Variants in USP6NL observed in about 807,000 individuals in gnomAD.
USP6NL encodes USP6 N-terminal-like protein.
Under a neutral mutation model 61.9 loss-of-function variants are expected in USP6NL, and 26 were observed. The observed-to-expected ratio is 0.42, with a 90% CI of 0.31 to 0.58. USP6NL has a LOEUF of 0.58. Among genes scored for constraint, USP6NL ranks in the 20% least tolerant of loss-of-function variants. The pLI is 0.16. For missense variants in USP6NL, 1,114 were observed against 1,034.3 expected, an observed-to-expected ratio of 1.08 and a Z score of -1.06; for synonymous variants, 432 against 390.1, an observed-to-expected ratio of 1.11 and a Z score of -1.27.
rs886395114 is a variant in USP6NL, at chr10:11,468,294, A to T, written c.1079-4445T>A. Among the ~76,000 whole-genome samples the T allele has an allele frequency of 5.3e-5, 8 of 152,284 alleles. No individual in the cohort carries two copies. Among genetic ancestry groups the T allele is most frequent in the Admixed American group, 2.6e-4 (4 of 15,292 alleles). The stretch of plus-strand genomic sequence containing the variant: ...TTGGCTCCACATCCTTTCCCAGATG[A>T]CTGTCAATCACAGTTCACTCAGTCG... On this transcript the variant is annotated intron_variant, in intron 14 of 14. Transcript: ENST00000609104. The surrounding 1 kb of genome is among the most constrained non-coding windows in gnomAD (Gnocchi z 4.5).
intron 5 of USP6NL, among the ~76,000 whole-genome samples, chr10:11,514,561 A>C (rs76918611): frequency 0.022 from 3,344 of 152,176 alleles, 65 homozygotes; most frequent in Non-Finnish European, 0.035. Flanking sequence ...TCTGAGTGGC[A>C]ATGTCTCCCC....
chr10:11,527,426 A>G, intron 3 of USP6NL, 74 bp downstream of exon 3: 1 of 1,421,780 alleles, frequency 7.0e-7, no homozygotes, highest in South Asian at 1.2e-5. Context: ...TAAGCCCTCC[A>G]AAAAGCAAAT....
At chr10:11,565,488 A>C (rs1837106873) in intron 2 of USP6NL, 1 of 152,094 alleles carries the variant, frequency 6.6e-6, no homozygotes, top group African/African-American at 2.4e-5. Context: ...AAAAATACAA[A>C]AAGATTAGCT....
intron 2 of USP6NL, among the ~76,000 whole-genome samples, chr10:11,534,312 G>A (rs1345798312): frequency 6.6e-6 from 1 of 152,186 alleles, no homozygotes; most frequent in Non-Finnish European, 1.5e-5. Flanking sequence ...AACTGCAATG[G>A]TCCTGAATAA....
Position 11,461,824 on chromosome 10 carries a change from A to G in USP6NL, c.*617T>C, listed in dbSNP as rs1410811115. 1 of 152,274 alleles carries G rather than the reference A, an allele frequency of 6.6e-6. No individual in the cohort carries two copies. Among genetic ancestry groups the G allele is most frequent in the African/African-American group, 2.4e-5 (1 of 41,456 alleles). The allele number at this position is 152,274 out of a possible 1,614,324, so 9.4% of individuals were successfully genotyped here. On this transcript the variant is annotated 3_prime_UTR_variant, in exon 15 of 15. Coordinates refer to ENST00000609104, the MANE Select transcript of USP6NL (RefSeq NM_014688.5). ...AGGAGAATGATGAGCATTCTGTGAG[A>G]CTGCAATTAATAAAGTCAGGACAAA... is the stretch of plus-strand genomic sequence containing the variant.
chr10:11,610,218 C>T (rs989344937), intron 1 of USP6NL, among the ~76,000 whole-genome samples: 1 of 152,068 alleles, frequency 6.6e-6, no homozygotes, highest in Non-Finnish European at 1.5e-5. Context: ...ACGTAGAATA[C>T]AACATGGCAT....
intron 14 of USP6NL, among the ~76,000 whole-genome samples, chr10:11,475,793 AT>A (rs949221806): frequency 3.6e-4 from 54 of 151,550 alleles, no homozygotes; most frequent in East Asian, 5.8e-4. Context: ...AACTGAAAAG[AT>A]TTTTTTTTAA....
chr10:11,555,415 T>TAAAA (rs558901276), intron 2 of USP6NL, among the ~76,000 whole-genome samples: 132 of 26,764 alleles, frequency 4.9e-3, no homozygotes, highest in South Asian at 8.2e-3. Context: ...AACTCGGTCT[T>TAAAA]AAAAAAAAAA....
In USP6NL at chr10:11,485,001, T is replaced by C. The variant is rs1017947474; in HGVS notation, c.895A>G (p.Met299Val). The change falls in exon 13 of 15, where the codon ATG becomes GTG. Residue 299 changes from methionine to valine, a missense_variant. Coordinates refer to ENST00000609104, the MANE Select transcript of USP6NL (RefSeq NM_014688.5). The surrounding 1 kb of genome is among the most constrained non-coding windows in gnomAD (Gnocchi z 4.8). ...IFEGERVLTA[M>V]SYTILKLHKK... ...TGTAATTTTAAGATGGTGTAAGACATAGCAGTAAGAACTCGTTCTCCTTCA... is the reference window on the plus strand; with the variant it reads ...TGTAATTTTAAGATGGTGTAAGACACAGCAGTAAGAACTCGTTCTCCTTCA... The C allele has an allele frequency of 2.1e-5, 33 of 1,549,814 alleles. No homozygotes were observed. The highest frequency in any genetic ancestry group is 2.8e-5 in the Non-Finnish European group (32 of 1,146,498).
intron 2 of USP6NL, among the ~76,000 whole-genome samples, chr10:11,583,986 G>A (rs1027862253): frequency 2.0e-5 from 3 of 152,140 alleles, no homozygotes; most frequent in East Asian, 1.9e-4. Flanking sequence ...GCGAGATCAC[G>A]TCACTGCACT....
At chr10:11,536,233 C>T (rs186900887) in intron 2 of USP6NL, among the ~76,000 whole-genome samples, 5 of 152,208 alleles carry the variant, frequency 3.3e-5, no homozygotes, top group Non-Finnish European at 7.3e-5. Context: ...GTAGGAAGAA[C>T]TGTTCCAGTA....
At chr10:11,529,953 T>C (rs1221748565) in intron 2 of USP6NL, among the ~76,000 whole-genome samples, 1 of 151,816 alleles carries the variant, frequency 6.6e-6, no homozygotes, top group East Asian at 1.9e-4. Context: ...ATACAAAAAT[T>C]AGCTGGGCAT....
chr10:11,521,670 G>A (rs764030587), intron 4 of USP6NL, among the ~76,000 whole-genome samples: 14 of 152,080 alleles, frequency 9.2e-5, no homozygotes, highest in Non-Finnish European at 1.6e-4. Flanking sequence ...GTAAGCCACC[G>A]CGCCCGGCCA....
intron 7 of USP6NL, among the ~76,000 whole-genome samples, chr10:11,500,862 T>C (rs1231089750): frequency 6.6e-6 from 1 of 152,218 alleles, no homozygotes; most frequent in Non-Finnish European, 1.5e-5. Context: ...CATTTATGTA[T>C]TTGAAAAGCA....
intron 14 of USP6NL, among the ~76,000 whole-genome samples, chr10:11,480,091 T>A (rs1035449643): frequency 6.6e-6 from 1 of 152,218 alleles, no homozygotes; most frequent in African/African-American, 2.4e-5. Context: ...TATCATTTAT[T>A]CCTCCCCTTT....
intron 2 of USP6NL, among the ~76,000 whole-genome samples, chr10:11,545,629 G>A (rs1022260604): frequency 2.0e-4 from 31 of 152,144 alleles, no homozygotes; most frequent in African/African-American, 7.5e-4. Context: ...CAAATATCTT[G>A]AAAATATAAA....
At chr10:11,514,577 AT>A (rs1445789097) in intron 5 of USP6NL, among the ~76,000 whole-genome samples, 1 of 151,950 alleles carries the variant, frequency 6.6e-6, no homozygotes, top group African/African-American at 2.4e-5. Flanking sequence ...TCCCCTTCAA[AT>A]TTGTCCTTTT....
In USP6NL at chr10:11,587,442, G is replaced by A. The variant is rs911098775; in HGVS notation, c.4+10189C>T. Among the ~76,000 whole-genome samples the A allele has an allele frequency of 7.7e-6, 1 of 129,524 alleles. No homozygotes were observed. The highest frequency in any genetic ancestry group is 8.1e-5 in the Admixed American group (1 of 12,302). The allele number at this position is 129,524 out of a possible 152,430, so 85.0% of individuals were successfully genotyped here. A position where few individuals can be genotyped will look rare whatever the true frequency, so the allele number is the denominator to read the frequency against. On this transcript the variant is annotated intron_variant, in intron 2 of 14. Coordinates refer to ENST00000609104, the MANE Select transcript of USP6NL (RefSeq NM_014688.5). The surrounding 1 kb of genome is among the most constrained non-coding windows in gnomAD (Gnocchi z 4.5). ...TAAACTTTTAACAGTCATACTATAA[G>A]ATGATAAGTATCCTGACATTTCATA... is the stretch of plus-strand genomic sequence containing the variant.
Position 11,562,509 on chromosome 10 carries a change from C to T in USP6NL, c.5-34942G>A, listed in dbSNP as rs1836983040. 1.0e-6 allele frequency: 1 copy of T among 985,304 alleles called. No individual in the cohort carries two copies. The highest frequency in any genetic ancestry group is 1.2e-6 in the Non-Finnish European group (1 of 829,902). The allele number at this position is 985,304 out of a possible 1,614,324, so 61.0% of individuals were successfully genotyped here. ...GGCTGAGGAGAAACGTGAAAAGAGC[C>T]GGGTCACTCAAGACATTGCTTGGCC... On this transcript the variant is annotated intron_variant, in intron 2 of 14. Coordinates refer to ENST00000609104, the MANE Select transcript of USP6NL (RefSeq NM_014688.5). This position sits in a 1 kb window ranked among gnomAD's most constrained non-coding sequence, Gnocchi z 4.8.
Sources: gnomAD v4.1 joint callset for allele counts (sites outside exome capture counted in the v4.1 genomes callset) on GRCh38, gnomAD v4.1.1 for gene constraint, Gnocchi (gnomAD v3.1) non-coding constraint, MANE v1.5 for transcripts, NCBI Gene and HGNC (gene_info 2026-07-23, HGNC 2026-07-21) for gene names.